Variants in BEND7 observed in about 807,000 individuals in gnomAD.
BEND7 encodes the protein BEN domain-containing protein 7.
BEND7 carries 28 observed loss-of-function variants against 50.9 expected under a neutral mutation model. The ratio of observed to expected loss-of-function variants is 0.55; its 90% CI spans 0.41 to 0.75. The LOEUF is 0.75. Ranked by LOEUF, BEND7 falls within the 30% of genes least tolerant of loss-of-function variation. BEND7 has a pLI of 0.00. For synonymous variants in BEND7, 170 were observed against 183.9 expected (o/e 0.92, Z 0.61); for missense variants, 477 against 491.3 (o/e 0.97, Z 0.28).
intron 2 of BEND7, among the ~76,000 whole-genome samples, chr10:13,518,199 G>T (rs1490468727): frequency 6.6e-6 from 1 of 152,224 alleles, no homozygotes; most frequent in Non-Finnish European, 1.5e-5. Flanking sequence ...TTATAGGGCA[G>T]TTGCTGAACC....
chr10:13,478,102 A>G (rs187963715), intron 6 of BEND7, among the ~76,000 whole-genome samples: 39 of 152,298 alleles, frequency 2.6e-4, no homozygotes, highest in African/African-American at 7.0e-4. Context: ...CAGACAAATT[A>G]GGGGAGAGAA....
chr10:13,485,209 C>T (rs1458763274), intron 5 of BEND7, among the ~76,000 whole-genome samples: 1 of 151,992 alleles, frequency 6.6e-6, no homozygotes, highest in African/African-American at 2.4e-5. Context: ...TAGTTAACCA[C>T]CGAGGGACTA....
intron 2 of BEND7, among the ~76,000 whole-genome samples, chr10:13,511,544 G>C (rs768451063): frequency 6.6e-6 from 1 of 152,148 alleles, no homozygotes; most frequent in Non-Finnish European, 1.5e-5. Context: ...GCAGCTAGAC[G>C]GCAGCAAGAA....
At chr10:13,443,613 A>T (rs568874243) in intron 8 of BEND7, 32 of 152,376 alleles carry the variant, frequency 2.1e-4, no homozygotes, top group African/African-American at 7.5e-4. Context: ...ATTTGTAATG[A>T]TTTTTTATGA....
chr10:13,510,981 C>G (rs545652674), intron 2 of BEND7, among the ~76,000 whole-genome samples: 1 of 152,254 alleles, frequency 6.6e-6, no homozygotes, highest in African/African-American at 2.4e-5. Flanking sequence ...TGTTCAAGGC[C>G]AGCCTGGCCA....
chr10:13,439,094 TAAC>T, downstream of BEND7: 1 of 1,360,386 alleles, frequency 7.4e-7, no homozygotes, highest in Non-Finnish European at 1.0e-6. Flanking sequence ...CCTGAAATCT[TAAC>T]AGCCTGACAT....
intron 6 of BEND7, among the ~76,000 whole-genome samples, chr10:13,458,970 C>A (rs1839627947): frequency 6.6e-6 from 1 of 152,214 alleles, no homozygotes; most frequent in Admixed American, 6.5e-5. Context: ...GTATTGTGAT[C>A]CTCAGTTACT....
At chr10:13,458,848 G>C (rs1444735368) in intron 6 of BEND7, among the ~76,000 whole-genome samples, 3 of 152,096 alleles carry the variant, frequency 2.0e-5, no homozygotes, top group Non-Finnish European at 4.4e-5. Context: ...CACAACCAGG[G>C]TCCCTCCCAC....
chr10:13,489,465 A>T (rs1410716734), intron 5 of BEND7, among the ~76,000 whole-genome samples: 2 of 151,966 alleles, frequency 1.3e-5, no homozygotes, highest in Admixed American at 6.6e-5. Flanking sequence ...TGCGGGACAC[A>T]CTCCACTTTT....
At chr10:13,462,293 C>T (rs994705350) in intron 6 of BEND7, among the ~76,000 whole-genome samples, 2 of 152,140 alleles carry the variant, frequency 1.3e-5, no homozygotes, top group Admixed American at 6.5e-5. Context: ...TCACAATCAC[C>T]GTGGAAGGCA....
At chr10:13,464,158 C>A (rs1294835465) in intron 6 of BEND7, among the ~76,000 whole-genome samples, 1 of 152,214 alleles carries the variant, frequency 6.6e-6, no homozygotes, top group Non-Finnish European at 1.5e-5. Context: ...CTCGGCCGTT[C>A]CATTGCCTGG....
intron 6 of BEND7, among the ~76,000 whole-genome samples, chr10:13,473,227 C>T (rs183763801): frequency 2.0e-5 from 3 of 151,960 alleles, no homozygotes; most frequent in African/African-American, 7.2e-5. Context: ...CACTGTTAGA[C>T]TCAGGGCCGA....
intron 2 of BEND7, among the ~76,000 whole-genome samples, chr10:13,525,110 C>T (rs2079362329): frequency 6.6e-6 from 1 of 152,170 alleles, no homozygotes; most frequent in South Asian, 2.1e-4. Flanking sequence ...TGACCTCTCT[C>T]ATGTTCTGCT....
chr10:13,439,350 AG>A, downstream of BEND7: 2 of 1,614,074 alleles, frequency 1.2e-6, no homozygotes, highest in Non-Finnish European at 1.7e-6. Context: ...GTCTCTGGTA[AG>A]GTTGTTCAGG....
rs553845735 is a variant in BEND7, at chr10:13,504,017, T to G, written c.146-3937A>C. On this transcript the variant is annotated intron_variant, in intron 2 of 8. Coordinates refer to ENST00000466271, the MANE Select transcript of BEND7 (RefSeq NM_001369863.1). Reference sequence around the variant, plus strand: ...GGCTCTACTCCACAGCAGGGAATGATGAGTGACAGGCTTTGGCAGACAGGA... The same window carrying G: ...GGCTCTACTCCACAGCAGGGAATGAGGAGTGACAGGCTTTGGCAGACAGGA... 1.1e-3 allele frequency among the ~76,000 whole-genome samples: 173 copies of G among 152,266 alleles called. 2 individuals carry two copies. The highest frequency in any genetic ancestry group is 3.5e-3 in the South Asian group (17 of 4,822).
intron 1 of BEND7, chr10:13,527,746 G>T: frequency 1.4e-6 from 1 of 717,650 alleles, no homozygotes; most frequent in Non-Finnish European, 1.7e-6. Flanking sequence ...AGTCAAATCA[G>T]GAAGATAAAG....
upstream of BEND7, among the ~76,000 whole-genome samples, chr10:13,529,127 C>T (rs2079580934): frequency 6.9e-6 from 1 of 144,432 alleles, no homozygotes; most frequent in Non-Finnish European, 1.5e-5. Flanking sequence ...CGGCCGCCGC[C>T]ATCCCCGGGG....
At chr10:13,492,481 G>C in intron 5 of BEND7, 130 bp downstream of exon 5, 2 of 1,188,260 alleles carry the variant, frequency 1.7e-6, no homozygotes, top group South Asian at 1.5e-5. Context: ...ATTATTACCA[G>C]TCTTCTTTTC....
At chr10:13,454,675 C>G (rs1041388034) in intron 6 of BEND7, among the ~76,000 whole-genome samples, 1 of 152,126 alleles carries the variant, frequency 6.6e-6, no homozygotes, top group Non-Finnish European at 1.5e-5. Context: ...GGAGGGCCAC[C>G]CAGCCTATTT....
Sources: gnomAD v4.1 joint callset for allele counts (sites outside exome capture counted in the v4.1 genomes callset) on GRCh38, gnomAD v4.1.1 for gene constraint, MANE v1.5 for transcripts, NCBI Gene and HGNC (gene_info 2026-07-23, HGNC 2026-07-21) for gene names.